GPR39: variants seen among roughly 807,000 people sequenced by gnomAD.
The protein encoded by GPR39 is G protein-coupled receptor 39.
A neutral mutation model predicts 18.4 loss-of-function variants in GPR39; 23 were observed. The ratio of observed to expected loss-of-function variants is 1.25; its 90% CI spans 0.90 to 1.77. The LOEUF (loss-of-function observed/expected upper bound fraction) is 1.77. Among genes scored for constraint, GPR39 ranks in the 40% most tolerant of loss-of-function variants. The pLI is 0.00. For synonymous variants in GPR39, 280 were observed against 257.9 expected, an observed-to-expected ratio of 1.09 and a Z score of -0.82; for missense variants, 647 against 602.4, an observed-to-expected ratio of 1.07 and a Z score of -0.78.
intron 1 of GPR39, among the ~76,000 whole-genome samples, chr2:132,420,562 AAAAT>A (rs2104752248): frequency 6.6e-6 from 1 of 152,346 alleles, no homozygotes; most frequent in South Asian, 2.1e-4. Flanking sequence ...GGGTCAAATT[AAAAT>A]AAATATTTGC....
chr2:132,535,938 G>C (rs962209836), intron 1 of GPR39, among the ~76,000 whole-genome samples: 1 of 144,346 alleles, frequency 6.9e-6, no homozygotes, highest in South Asian at 2.2e-4. Context: ...TTTTATTGTG[G>C]TCTATTTGAT....
intron 1 of GPR39, chr2:132,604,645 G>C (rs977123657): frequency 6.6e-6 from 1 of 152,202 alleles, no homozygotes; most frequent in Non-Finnish European, 1.5e-5. Flanking sequence ...TTTTATAGAA[G>C]GTTATATATA....
At chr2:132,571,636 G>A (rs1016947233) in intron 1 of GPR39, among the ~76,000 whole-genome samples, 15 of 152,176 alleles carry the variant, frequency 9.9e-5, no homozygotes, top group African/African-American at 3.6e-4. Context: ...GAACTGGGGA[G>A]TGGGATCTTA....
rs535523864 is a variant in GPR39 at position 132,425,448 on chromosome 2, G to C, written c.856+7550G>C. Among the ~76,000 whole-genome samples, 23 of 152,260 alleles carry C rather than the reference G, an allele frequency of 1.5e-4. No individual in the cohort carries two copies. The South Asian group carries it at 2.7e-3, about 18-fold the overall frequency. ...CTGCTGCTCCTGAAATGGAGGAAAA[G>C]CACCCTCACTGTGATCCTCAGGCAG... On this transcript the variant is annotated intron_variant, in intron 1 of 1. Transcript: ENST00000329321.
intron 1 of GPR39, among the ~76,000 whole-genome samples, chr2:132,445,239 AT>A (rs1376069756): frequency 9.9e-5 from 15 of 152,092 alleles, no homozygotes; most frequent in Admixed American, 9.2e-4. Context: ...TACATTGTAT[AT>A]TTTTCTATGT....
At position 132,417,058 on chromosome 2, in the gene GPR39, C is replaced by T; in HGVS notation, c.16C>T (p.Leu6Phe). 6.2e-7 allele frequency: 1 copy of T among 1,613,840 alleles called. No individual in the cohort carries two copies. The highest frequency in any genetic ancestry group is 8.5e-7 in the Non-Finnish European group (1 of 1,179,774). MASPSLPGSDCSQIID... is the reference protein window; with the variant it reads MASPSFPGSDCSQIID... The stretch of plus-strand genomic sequence containing the variant: ...GCTCTTTCTCATGGCTTCACCCAGC[C>T]TCCCGGGCAGTGACTGCTCCCAAAT... The change falls in exon 1 of 2, where the codon CTC becomes TTC. Residue 6 changes from leucine to phenylalanine, a missense_variant. Around this residue, in one of 3 missense-constraint regions of GPR39, gnomAD observed 61 missense variants for 79.2 expected, o/e 0.77. Coordinates refer to ENST00000329321, the MANE Select transcript of GPR39 (RefSeq NM_001508.3).
At chr2:132,639,955 T>A (rs1397633060) in intron 1 of GPR39, among the ~76,000 whole-genome samples, 2 of 111,940 alleles carry the variant, frequency 1.8e-5, no homozygotes, top group African/African-American at 1.1e-4. Context: ...TGCTTGGCAA[T>A]CGAGGGTAGA....
At chr2:132,599,861 T>A (rs2104839900) in intron 1 of GPR39, among the ~76,000 whole-genome samples, 1 of 152,310 alleles carries the variant, frequency 6.6e-6, no homozygotes, top group Non-Finnish European at 1.5e-5. Flanking sequence ...CTGCCGTGGA[T>A]GTGATCTCCC....
chr2:132,645,979 G>T lies in GPR39; in HGVS notation c.*373G>T. On this transcript the variant is annotated 3_prime_UTR_variant, in exon 2 of 2. Coordinates refer to ENST00000329321, the MANE Select transcript of GPR39 (RefSeq NM_001508.3). ...GGACACCCAGAAGAAACTCACTCAG[G>T]GAGGTGGGGGGTTGGGGGCGAGGGC... 1 of 1,228,832 alleles carries T rather than the reference G, an allele frequency of 8.1e-7. No homozygotes were observed. 76.1% of individuals were successfully genotyped at this position (1,228,832 alleles called of 1,614,324 possible). A position where few individuals can be genotyped will look rare whatever the true frequency, so the allele number is the denominator to read the frequency against.
rs72999238 is a variant in GPR39, at chr2:132,417,824, C to T, written c.782C>T (p.Thr261Met). 6.2e-7 allele frequency: 1 copy of T among 1,613,694 alleles called. No individual in the cohort carries two copies. The highest frequency in any genetic ancestry group is 2.2e-5 in the East Asian group (1 of 44,862). ...KSQKGSLAGG[T>M]RPPQLRKSES... The stretch of plus-strand genomic sequence containing the variant: ...CAGAAGGGCTCGCTGGCCGGGGGCA[C>T]GCGGCCTCCGCAGCTGAGGAAGTCC... The change falls in exon 1 of 2, where the codon ACG becomes ATG. Residue 261 changes from threonine (T) to methionine (M), a missense_variant. Around this residue, in one of 3 missense-constraint regions of GPR39, gnomAD observed 581 missense variants for 506.8 expected, o/e 1.15. Transcript: ENST00000329321.
At chr2:132,493,052 C>CT (rs1681532474) in intron 1 of GPR39, among the ~76,000 whole-genome samples, 1 of 109,750 alleles carries the variant, frequency 9.1e-6, no homozygotes, top group Non-Finnish European at 1.8e-5. Context: ...CCATATATAC[C>CT]ATATATACAC....
intron 1 of GPR39, among the ~76,000 whole-genome samples, chr2:132,620,609 A>T (rs904315313): frequency 2.0e-5 from 3 of 152,096 alleles, no homozygotes; most frequent in Admixed American, 6.6e-5. Flanking sequence ...TCCTGTGTCT[A>T]CAAGTTGTCT....
intron 1 of GPR39, among the ~76,000 whole-genome samples, chr2:132,425,012 G>T (rs1680092197): frequency 1.3e-5 from 2 of 152,134 alleles, no homozygotes; most frequent in African/African-American, 4.8e-5. Context: ...TTAGGAGGTG[G>T]CCCTAGGGAG....
chr2:132,434,947 A>C (rs148440770), intron 1 of GPR39, among the ~76,000 whole-genome samples: 2 of 152,322 alleles, frequency 1.3e-5, no homozygotes, highest in African/African-American at 4.8e-5. Flanking sequence ...AGTGCTTCCA[A>C]ATCAACGCCA....
At chr2:132,501,364 A>T (rs1439152649) in intron 1 of GPR39, among the ~76,000 whole-genome samples, 1 of 151,900 alleles carries the variant, frequency 6.6e-6, no homozygotes, top group East Asian at 1.9e-4. Context: ...AGGTTATTTA[A>T]TTTCCATGTA....
At chr2:132,620,141 G>A (rs1409108554) in intron 1 of GPR39, among the ~76,000 whole-genome samples, 1 of 152,192 alleles carries the variant, frequency 6.6e-6, no homozygotes, top group African/African-American at 2.4e-5. Context: ...TTCTTCCTGA[G>A]GGTGAGGCCC....
intron 1 of GPR39, among the ~76,000 whole-genome samples, chr2:132,546,178 T>C (rs1344306247): frequency 2.0e-5 from 3 of 152,180 alleles, no homozygotes; most frequent in Admixed American, 2.0e-4. Flanking sequence ...CAAACTTGAG[T>C]GTGCCTCAGA....
At chr2:132,452,582 C>G (rs1051480274) in intron 1 of GPR39, among the ~76,000 whole-genome samples, 14 of 152,036 alleles carry the variant, frequency 9.2e-5, no homozygotes, top group African/African-American at 3.4e-4. Flanking sequence ...CACCAATCAA[C>G]TCATCATTTA....
At chr2:132,640,008 G>A (rs574693954) in intron 1 of GPR39, among the ~76,000 whole-genome samples, 3 of 152,232 alleles carry the variant, frequency 2.0e-5, no homozygotes, top group East Asian at 1.9e-4. Flanking sequence ...CTGGCCCCAG[G>A]AGATCTTGGG....
Sources: allele counts gnomAD v4.1 joint callset (sites outside exome capture counted in the v4.1 genomes callset), GRCh38; gene constraint gnomAD v4.1.1; regional missense constraint gnomAD v4.1.1; transcripts MANE v1.5; gene names NCBI Gene and HGNC (gene_info 2026-07-23, HGNC 2026-07-21).